WDR35: variants seen among roughly 807,000 people sequenced by gnomAD.
The protein encoded by WDR35 is WD repeat domain 35.
WDR35 carries 118 observed loss-of-function variants against 158.3 expected under a neutral mutation model. That is an observed-to-expected ratio of 0.75 (90% CI 0.64 to 0.87). The LOEUF (loss-of-function observed/expected upper bound fraction) is 0.87. Among genes scored for constraint, WDR35 ranks in the 40% least tolerant of loss-of-function variants. The probability of loss-of-function intolerance (pLI) is 0.00; values close to 1 mark genes in which losing one functional copy is unlikely to be tolerated. For synonymous variants in WDR35, 448 were observed against 476.1 expected (o/e 0.94, Z 0.77); for missense variants, 1,263 against 1,405.8 (o/e 0.90, Z 1.62).
chr2:19,973,579 T>C lies in WDR35; in HGVS notation c.866A>G (p.Tyr289Cys). The C allele has an allele frequency of 6.2e-7, 1 of 1,614,158 alleles. No individual in the cohort carries two copies. Among genetic ancestry groups the C allele is most frequent in the East Asian group, 2.2e-5 (1 of 44,880 alleles). Residue 289 changes from tyrosine to cysteine, a missense_variant, in exon 8 of 27, where the codon TAC becomes TGC. Transcript: ENST00000281405. ...QDKDVNIVQF[Y>C]TPFGEHLGTL... ...TGCATTTACCTCACCAAACGGAGTG[T>C]AAAACTGCACAATGTTCACATCTTT...
intron 18 of WDR35, 74 bp downstream of exon 18, chr2:19,938,191 G>C: frequency 6.3e-7 from 1 of 1,591,786 alleles, no homozygotes; most frequent in East Asian, 2.2e-5. Context: ...GGATAGTAGG[G>C]GAGCAGAGGG....
intron 25 of WDR35, among the ~76,000 whole-genome samples, chr2:19,914,499 C>T (rs1470187651): frequency 6.6e-6 from 1 of 152,142 alleles, no homozygotes; most frequent in Non-Finnish European, 1.5e-5. Flanking sequence ...AGAACCACCA[C>T]CAAATGCTGC....
intron 19 of WDR35, 41 bp downstream of exon 19, chr2:19,937,702 C>T (rs1344404060): frequency 6.2e-7 from 1 of 1,611,874 alleles, no homozygotes; most frequent in South Asian, 1.1e-5. Context: ...CAATGATGAA[C>T]TGATAGAGTA....
chr2:19,974,506 T>C lies in WDR35; in HGVS notation c.698A>G (p.Asn233Ser), dbSNP rs1324424558. 3 of 1,611,802 alleles carry C rather than the reference T, an allele frequency of 1.9e-6. No homozygotes were observed. The highest frequency in any genetic ancestry group is 2.5e-6 in the Non-Finnish European group (3 of 1,178,864). ...DCPCLAVCFD[N>S]GRCQIMRHEN... ...ATGTCTCATTATTTGGCATCTTCCA[T>C]TATCAAAGCAAACAGCAAGGCAAGG... The change falls in exon 7 of 27, where the codon AAT becomes AGT. Residue 233 changes from asparagine (N) to serine (S), a missense_variant. Transcript: ENST00000281405.
At chr2:19,985,769 C>A (rs566782617) in intron 2 of WDR35, among the ~76,000 whole-genome samples, 185 of 150,590 alleles carry the variant, frequency 1.2e-3, no homozygotes, top group African/African-American at 4.3e-3. Flanking sequence ...TGGTGGCACG[C>A]ACCTGTAATC....
intron 26 of WDR35, 125 bp downstream of exon 26, chr2:19,913,912 G>C (rs1222677579): frequency 1.4e-6 from 2 of 1,447,514 alleles, no homozygotes; most frequent in East Asian, 4.6e-5. Flanking sequence ...AAATAAAATA[G>C]GGTATAATGT....
chr2:19,931,543 A>G (rs1243421275), intron 23 of WDR35, 134 bp from the exon 24 acceptor site: 1 of 937,300 alleles, frequency 1.1e-6, no homozygotes, highest in South Asian at 1.6e-5. Context: ...AATATCACCT[A>G]TTTAAGATAA....
At chr2:19,922,853 C>T (rs185096603) in intron 25 of WDR35, among the ~76,000 whole-genome samples, 1,832 of 152,276 alleles carry the variant, frequency 0.012, 36 homozygotes, top group African/African-American at 0.041. Context: ...ATAACACCCA[C>T]GCTGGAAGGT....
intron 2 of WDR35, among the ~76,000 whole-genome samples, chr2:19,984,131 C>T (rs1672481475): frequency 1.3e-5 from 2 of 151,426 alleles, no homozygotes; most frequent in South Asian, 4.2e-4. Context: ...CATGTTTGCC[C>T]TCTGTTAGAC....
chr2:19,924,234 T>C (rs1175555363), intron 25 of WDR35, among the ~76,000 whole-genome samples: 2 of 152,098 alleles, frequency 1.3e-5, no homozygotes, highest in Non-Finnish European at 2.9e-5. Flanking sequence ...AAGAACCATA[T>C]GTGGATTTTA....
chr2:19,937,321 G>A (rs556611116), intron 19 of WDR35, among the ~76,000 whole-genome samples: 6 of 152,192 alleles, frequency 3.9e-5, no homozygotes, highest in East Asian at 1.9e-4. Context: ...AATCAAAAAC[G>A]AAATATAAAG....
chr2:19,962,271 A>G (rs1172981266), intron 10 of WDR35: 6 of 1,612,924 alleles, frequency 3.7e-6, no homozygotes, highest in East Asian at 4.5e-5. Flanking sequence ...GATCAGCTAT[A>G]TAAGAGCTAA....
chr2:19,927,575 C>T (rs1247784301), intron 25 of WDR35, among the ~76,000 whole-genome samples: 1 of 152,112 alleles, frequency 6.6e-6, no homozygotes, highest in African/African-American at 2.4e-5. Context: ...GGCACCTCAA[C>T]CTCAAATGAT....
At chr2:19,948,085 G>A in intron 14 of WDR35, 79 bp downstream of exon 14, 1 of 1,170,584 alleles carries the variant, frequency 8.5e-7, no homozygotes, top group Non-Finnish European at 1.2e-6. Context: ...TTACAGACAT[G>A]GGGCACACAC....
Position 19,960,534 on chromosome 2 carries a change from A to T in WDR35, c.1255+20T>A. On this transcript the variant is annotated intron_variant, in intron 11 of 26. Transcript: ENST00000281405. ...AATAAAACCTGATTGGAAAAGAAAT[A>T]AATATCAACATTTCCTTACCAATAT... 1.9e-6 allele frequency: 3 copies of T among 1,577,030 alleles called. No homozygotes were observed. Among genetic ancestry groups the T allele is most frequent in the Non-Finnish European group, 2.6e-6 (3 of 1,148,470 alleles).
chr2:19,979,772 TACACACACACACAC>T (rs67421990), intron 4 of WDR35, among the ~76,000 whole-genome samples: 1 of 146,294 alleles, frequency 6.8e-6, no homozygotes, highest in East Asian at 2.0e-4. Context: ...TTCTATCCCC[TACACACACACACAC>T]ACACACACAC....
chr2:19,935,406 G>T, intron 21 of WDR35, 65 bp downstream of exon 21: 1 of 1,558,120 alleles, frequency 6.4e-7, no homozygotes, highest in Non-Finnish European at 8.8e-7. Context: ...GATATTTCCT[G>T]ACTATAACAT....
intron 2 of WDR35, among the ~76,000 whole-genome samples, chr2:19,988,432 G>A (rs1672642039): frequency 6.6e-6 from 1 of 152,180 alleles, no homozygotes; most frequent in Non-Finnish European, 1.5e-5. Context: ...ACCTCTTCCA[G>A]TGATTCTTAT....
At chr2:19,953,503 CTTAG>C (rs1368688604) in intron 12 of WDR35, among the ~76,000 whole-genome samples, 7 of 152,154 alleles carry the variant, frequency 4.6e-5, no homozygotes, top group Non-Finnish European at 1.0e-4. Flanking sequence ...GGAATAAACC[CTTAG>C]TTAGATCCTT....
Sources: allele counts gnomAD v4.1 joint callset (sites outside exome capture counted in the v4.1 genomes callset), GRCh38; gene constraint gnomAD v4.1.1; transcripts MANE v1.5; gene names NCBI Gene and HGNC (gene_info 2026-07-23, HGNC 2026-07-21).